C6: variants seen among roughly 807,000 people sequenced by gnomAD.
The protein encoded by C6 is complement C6, also known as complement component C6.
In C6, 101 loss-of-function variants were observed where a neutral mutation model predicts 112.9. The observed-to-expected ratio is 0.89, with a 90% CI of 0.76 to 1.06. The LOEUF is 1.06. Ranked by LOEUF, C6 falls within the 50% of genes least tolerant of loss-of-function variation. The probability of loss-of-function intolerance (pLI) is 0.00; values close to 1 mark genes in which losing one functional copy is unlikely to be tolerated. For synonymous variants in C6, 431 were observed against 384.1 expected, an observed-to-expected ratio of 1.12 and a Z score of -1.43; for missense variants, 1,202 against 1,104.6, an observed-to-expected ratio of 1.09 and a Z score of -1.25.
chr5:41,227,629 C>T (rs1739605268), intron 1 of C6, among the ~76,000 whole-genome samples: 1 of 151,990 alleles, frequency 6.6e-6, no homozygotes, highest in African/African-American at 2.4e-5. Context: ...TCTTTGATAA[C>T]TTTTCAGTTG....
chr5:41,220,748 G>T (rs967340479), intron 1 of C6, among the ~76,000 whole-genome samples: 4 of 151,854 alleles, frequency 2.6e-5, no homozygotes, highest in African/African-American at 9.7e-5. Flanking sequence ...AGATACAGGA[G>T]GTACACATGT....
At position 41,176,590 on chromosome 5, in the gene C6, A is replaced by G. The variant is rs781281156; in HGVS notation, c.1053T>C (p.Ser351=). ...CATCGAATATTCGGCTGTACAAAGC[A>G]GAGTTGTATTCTAGAGGCAGATGGT... is the stretch of plus-strand genomic sequence containing the variant. ...ALNHLPLEYN[S]ALYSRIFDDF... The change falls in exon 8 of 18, where the codon TCT becomes TCC. Residue 351 remains serine, a synonymous_variant. Coordinates refer to ENST00000337836, the MANE Select transcript of C6 (RefSeq NM_000065.5). 3 of 1,613,966 alleles carry G rather than the reference A, an allele frequency of 1.9e-6. No homozygotes were observed. The highest frequency in any genetic ancestry group is 2.2e-5 in the East Asian group (1 of 44,830).
chr5:41,247,719 G>GAA (rs376007818), intron 1 of C6, among the ~76,000 whole-genome samples: 8 of 74,096 alleles, frequency 1.1e-4, no homozygotes, highest in African/African-American at 2.2e-4. Flanking sequence ...CTCCATCTCA[G>GAA]AAAAAAAAAA....
intron 4 of C6, among the ~76,000 whole-genome samples, chr5:41,198,416 G>A (rs1750766913): frequency 6.6e-6 from 1 of 152,134 alleles, no homozygotes; most frequent in African/African-American, 2.4e-5. Context: ...AGTCCGAATG[G>A]ATGCCAACTA....
chr5:41,179,082 G>A (rs1481189450), intron 7 of C6, among the ~76,000 whole-genome samples: 1 of 151,972 alleles, frequency 6.6e-6, no homozygotes, highest in Non-Finnish European at 1.5e-5. Flanking sequence ...TTGAACTCCT[G>A]AGCTCAGGCA....
At chr5:41,194,788 A>G (rs958751687) in intron 5 of C6, among the ~76,000 whole-genome samples, 3 of 152,102 alleles carry the variant, frequency 2.0e-5, no homozygotes, top group African/African-American at 7.2e-5. Context: ...TATATTTCCT[A>G]ACATCATCTA....
Position 41,149,984 on chromosome 5 carries a change from T to TGTCAG in C6, c.2331_2332insCTGAC (p.Lys778LeufsTer49). 6.2e-7 allele frequency: 1 copy of TGTCAG among 1,613,444 alleles called. No individual in the cohort carries two copies. The highest frequency in any genetic ancestry group is 8.5e-7 in the Non-Finnish European group (1 of 1,179,460). On this transcript the variant is annotated frameshift_variant, in exon 16 of 18. Coordinates refer to ENST00000337836, the MANE Select transcript of C6 (RefSeq NM_000065.5). LOFTEE classifies it high-confidence loss of function. ...CAAATGCATTCAGATCCTGATTGTT[T>TGTCAG]CTGTCCCAGCTGACAATGGCCTTTT...
Position 41,211,101 on chromosome 5 carries a change from G to A in C6, c.-21+2275C>T, listed in dbSNP as rs6863409. Among the ~76,000 whole-genome samples, 1,236 of 152,206 alleles carry A rather than the reference G, an allele frequency of 8.1e-3. 19 individuals carry two copies. The highest frequency in any genetic ancestry group is 0.028 in the African/African-American group (1,160 of 41,530). On this transcript the variant is annotated intron_variant, in intron 1 of 17. Coordinates refer to ENST00000337836, the MANE Select transcript of C6 (RefSeq NM_000065.5). ...TATCCTTTGTAGGGACATGGATGAAGTTGGAAACCATCATTTTGAGCAAAC... is the reference window on the plus strand; with the variant it reads ...TATCCTTTGTAGGGACATGGATGAAATTGGAAACCATCATTTTGAGCAAAC...
At chr5:41,234,371 T>G (rs1376790089) in intron 1 of C6, among the ~76,000 whole-genome samples, 18 of 148,628 alleles carry the variant, frequency 1.2e-4, no homozygotes, top group East Asian at 3.9e-4. Flanking sequence ...TTTGTTTTTT[T>G]TTTTTGCTTG....
chr5:41,196,120 A>T (rs1750600117), intron 4 of C6, among the ~76,000 whole-genome samples, 187 bp from the exon 5 acceptor site: 1 of 152,204 alleles, frequency 6.6e-6, no homozygotes, highest in Non-Finnish European at 1.5e-5. Context: ...TTGTAAGATT[A>T]TAAGGGTCAC....
intron 8 of C6, 125 bp from the exon 9 acceptor site, chr5:41,172,472 C>G: frequency 2.2e-6 from 2 of 924,396 alleles, no homozygotes; most frequent in Non-Finnish European, 3.4e-6. Context: ...TCCCCAGTCC[C>G]CATAATCTTA....
intron 5 of C6, among the ~76,000 whole-genome samples, chr5:41,188,418 A>G (rs1413067427): frequency 6.6e-6 from 1 of 152,116 alleles, no homozygotes; most frequent in Admixed American, 6.5e-5. Flanking sequence ...TGGCATGAGG[A>G]TAGACAGACA....
At chr5:41,164,704 T>A (rs1258111747) in intron 9 of C6, among the ~76,000 whole-genome samples, 1 of 152,190 alleles carries the variant, frequency 6.6e-6, no homozygotes, top group East Asian at 1.9e-4. Context: ...CTTTGCAATG[T>A]CCTCTTGTTC....
intron 1 of C6, among the ~76,000 whole-genome samples, chr5:41,242,748 A>T (rs1186082511): frequency 6.6e-6 from 1 of 152,196 alleles, no homozygotes; most frequent in African/African-American, 2.4e-5. Flanking sequence ...TCACCTCCAG[A>T]ATGGTACGTC....
intron 8 of C6, among the ~76,000 whole-genome samples, chr5:41,173,529 T>C (rs551788104): frequency 6.6e-6 from 1 of 152,266 alleles, no homozygotes; most frequent in African/African-American, 2.4e-5. Flanking sequence ...TCTTTTGATG[T>C]TTAGTTAAAA....
At chr5:41,226,083 A>G (rs1162554851) in intron 1 of C6, among the ~76,000 whole-genome samples, 3 of 152,194 alleles carry the variant, frequency 2.0e-5, no homozygotes, top group Middle Eastern at 3.2e-3. Context: ...AATGGCAACA[A>G]AAGCCAAAAT....
intron 16 of C6, 33 bp from the exon 17 acceptor site, chr5:41,149,515 T>C: frequency 1.2e-6 from 2 of 1,612,506 alleles, no homozygotes; most frequent in South Asian, 1.1e-5. Flanking sequence ...CATTTCTATA[T>C]GAAGATCAGA....
chr5:41,168,091 C>T (rs1370561279), intron 9 of C6, among the ~76,000 whole-genome samples: 1 of 152,108 alleles, frequency 6.6e-6, no homozygotes, highest in Admixed American at 6.6e-5. Flanking sequence ...TAAAGATGAG[C>T]AAACTTTCCA....
At chr5:41,214,632 C>T (rs1427048916), upstream of C6, among the ~76,000 whole-genome samples, 1 of 152,050 alleles carries the variant, frequency 6.6e-6, no homozygotes, top group East Asian at 1.9e-4. Flanking sequence ...CCTTGATTAC[C>T]TGAGAAGATA....
Sources: allele counts gnomAD v4.1 joint callset (sites outside exome capture counted in the v4.1 genomes callset), GRCh38; gene constraint gnomAD v4.1.1; transcripts MANE v1.5; gene names NCBI Gene and HGNC (gene_info 2026-07-23, HGNC 2026-07-21).